The following DOCK8 variants were observed in gnomAD, a reference collection of about 807,000 sequenced individuals.
DOCK8 encodes the protein dedicator of cytokinesis protein 8.
In DOCK8, 141 loss-of-function variants were observed where a neutral mutation model predicts 245.6. The observed-to-expected ratio is 0.57, with a 90% CI of 0.50 to 0.66. The LOEUF is 0.66. DOCK8 is among the 30% of genes least tolerant of loss of function. DOCK8 has a pLI of 0.00. For synonymous variants in DOCK8, 1,168 were observed against 970.2 expected (o/e 1.20, Z -3.79); for missense variants, 2,965 against 2,603.4 (o/e 1.14, Z -3.02).
At chr9:438,842 A>G (rs2056991021) in intron 39 of DOCK8, among the ~76,000 whole-genome samples, 1 of 152,204 alleles carries the variant, frequency 6.6e-6, no homozygotes, top group Admixed American at 6.5e-5. Flanking sequence ...AACATACTTC[A>G]GAAAAACACC....
intron 23 of DOCK8, among the ~76,000 whole-genome samples, chr9:387,825 A>AT (rs2054018742): frequency 6.6e-6 from 1 of 152,190 alleles, no homozygotes; most frequent in Non-Finnish European, 1.5e-5. Flanking sequence ...TTTCTTAAAA[A>AT]CCATTATTTG....
chr9:411,085 A>G (rs562120631), intron 28 of DOCK8, among the ~76,000 whole-genome samples: 40 of 152,338 alleles, frequency 2.6e-4, no homozygotes, highest in African/African-American at 9.4e-4. Flanking sequence ...TAGTAATCAA[A>G]CTTCCCACAT....
rs201574276 is a variant in DOCK8, at chr9:214,873, A to T, written c.-104A>T. On this transcript the variant is annotated 5_prime_UTR_variant, in exon 1 of 48. Coordinates refer to ENST00000432829, the MANE Select transcript of DOCK8 (RefSeq NM_203447.4). ...AGTTTCCAGCGCCGACCGACAGACG[A>T]GGTTTGCGCTTGGCTGGGCATGTTC... 3 of 1,601,214 alleles carry T rather than the reference A, an allele frequency of 1.9e-6. No homozygotes were observed. In the East Asian group the frequency reaches 6.8e-5, roughly 37 times the overall value.
chr9:218,035 T>C (rs1032901189), intron 1 of DOCK8, among the ~76,000 whole-genome samples: 2 of 152,196 alleles, frequency 1.3e-5, no homozygotes, highest in Non-Finnish European at 2.9e-5. Context: ...AAGTGTTCTG[T>C]TTCTGATTAG....
chr9:324,321 C>G (rs1586700087), intron 7 of DOCK8, among the ~76,000 whole-genome samples: 2 of 152,220 alleles, frequency 1.3e-5, no homozygotes, highest in Admixed American at 1.3e-4. Flanking sequence ...TCCTCTCACA[C>G]ATACCTGGAG....
chr9:211,383 T>C (rs993113002), upstream of DOCK8, among the ~76,000 whole-genome samples: 1 of 151,842 alleles, frequency 6.6e-6, no homozygotes, highest in Non-Finnish European at 1.5e-5. Flanking sequence ...CGCTTGGTCA[T>C]AGAGGCTACA....
chr9:388,300 G>T (rs1269216866), intron 23 of DOCK8, among the ~76,000 whole-genome samples: 1 of 152,152 alleles, frequency 6.6e-6, no homozygotes, highest in Admixed American at 6.5e-5. Context: ...AAACAAATGT[G>T]TTAACGCATA....
intron 1 of DOCK8, among the ~76,000 whole-genome samples, chr9:237,665 A>T (rs1339604382): frequency 6.6e-6 from 1 of 152,194 alleles, no homozygotes; most frequent in Non-Finnish European, 1.5e-5. Flanking sequence ...AGAAAAAATA[A>T]TAATAAAATA....
chr9:340,934 G>A (rs565558431), intron 14 of DOCK8, among the ~76,000 whole-genome samples: 2 of 152,242 alleles, frequency 1.3e-5, no homozygotes, highest in East Asian at 3.9e-4. Context: ...CTGTGCAGAG[G>A]GACATATTAG....
chr9:326,576 T>C (rs2050775692), intron 8 of DOCK8, among the ~76,000 whole-genome samples: 1 of 152,194 alleles, frequency 6.6e-6, no homozygotes, highest in African/African-American at 2.4e-5. Flanking sequence ...AAGCTACTGG[T>C]CAGGGGACCA....
intron 44 of DOCK8, among the ~76,000 whole-genome samples, chr9:448,786 C>T (rs139425942): frequency 3.3e-5 from 5 of 152,216 alleles, no homozygotes; most frequent in African/African-American, 7.2e-5. Context: ...AAGACCCTAT[C>T]TCCAAAGAAG....
intron 9 of DOCK8, among the ~76,000 whole-genome samples, chr9:331,173 C>T (rs2050992484): frequency 6.6e-6 from 1 of 152,200 alleles, no homozygotes; most frequent in African/African-American, 2.4e-5. Flanking sequence ...TTTATCGCCA[C>T]CTTATCTCCC....
intron 18 of DOCK8, among the ~76,000 whole-genome samples, chr9:375,307 C>G (rs1433130630): frequency 6.6e-6 from 1 of 152,100 alleles, no homozygotes; most frequent in Non-Finnish European, 1.5e-5. Flanking sequence ...AATGCAATTT[C>G]AATGGGAATT....
chr9:395,531 TTAGTAGTAG>T (rs60738310), intron 24 of DOCK8, among the ~76,000 whole-genome samples: 3,615 of 149,468 alleles, frequency 0.024, 141 homozygotes, highest in African/African-American at 0.082. Flanking sequence ...TCCAGTGCCA[TTAGTAGTAG>T]TAGTAGTAGT....
Position 368,133 on chromosome 9 carries a change from C to G in DOCK8, c.1795C>G (p.Pro599Ala). Residue 599 changes from proline (P) to alanine (A), a missense_variant and splice_region_variant, in exon 15 of 48, where the codon CCG becomes GCG. Physicochemically the swap from Pro to Ala is conservative, Grantham distance 27. Coordinates refer to ENST00000432829, the MANE Select transcript of DOCK8 (RefSeq NM_203447.4). ...MCGEDASNAM[P>A]VIFGKSSGPE... ...TGGAGAAGATGCTAGCAATGCGATG[C>G]CGGTAAGGAGGGAAACGAACATTTG... is the stretch of plus-strand genomic sequence containing the variant. 1.2e-6 allele frequency: 2 copies of G among 1,612,968 alleles called. No individual in the cohort carries two copies. Among genetic ancestry groups the G allele is most frequent in the South Asian group, 1.1e-5 (1 of 91,060 alleles).
intron 23 of DOCK8, among the ~76,000 whole-genome samples, chr9:389,255 A>G (rs981402822): frequency 1.3e-5 from 2 of 152,248 alleles, no homozygotes; most frequent in Non-Finnish European, 2.9e-5. Context: ...AATGATTGTC[A>G]GGAATATGAA....
intron 7 of DOCK8, among the ~76,000 whole-genome samples, chr9:322,487 A>G (rs1286402386): frequency 6.6e-6 from 1 of 151,938 alleles, no homozygotes; most frequent in African/African-American, 2.4e-5. Context: ...CCAGTCCCTA[A>G]CTGTGTAGAC....
chr9:248,625 C>T lies in DOCK8; in HGVS notation c.54-23002C>T, dbSNP rs559084756. ...TCTTTCTTTCCATCTTCTTTTCTTT[C>T]TATCTTTCTTACTTTTGATGTAGCT... is the stretch of plus-strand genomic sequence containing the variant. On this transcript the variant is annotated intron_variant, in intron 1 of 47. Coordinates refer to ENST00000432829, the MANE Select transcript of DOCK8 (RefSeq NM_203447.4). Among the ~76,000 whole-genome samples, 6 of 151,198 alleles carry T rather than the reference C, an allele frequency of 4.0e-5. No homozygotes were observed. In the East Asian group the frequency reaches 1.2e-3, roughly 30 times the overall value.
chr9:247,859 G>C (rs993157024), intron 1 of DOCK8, among the ~76,000 whole-genome samples: 3 of 151,794 alleles, frequency 2.0e-5, no homozygotes, highest in Non-Finnish European at 4.4e-5. Context: ...CTAAGGAAAT[G>C]AATACTTCCA....
Sources: gnomAD v4.1 joint callset for allele counts (sites outside exome capture counted in the v4.1 genomes callset) on GRCh38, gnomAD v4.1.1 for gene constraint, MANE v1.5 for transcripts, NCBI Gene and HGNC (gene_info 2026-07-23, HGNC 2026-07-21) for gene names.